PLEKHH2: variants seen among roughly 807,000 people sequenced by gnomAD.
PLEKHH2 encodes the protein pleckstrin homology, MyTH4 and FERM domain containing H2.
Under a neutral mutation model 187.9 loss-of-function variants are expected in PLEKHH2, and 129 were observed. The ratio of observed to expected loss-of-function variants is 0.69; its 90% confidence interval spans 0.59 to 0.79. The LOEUF is 0.79. Among genes scored for constraint, PLEKHH2 ranks in the 30% least tolerant of loss-of-function variants. The pLI is 0.00. For missense variants in PLEKHH2, 2,076 were observed against 1,751.2 expected (o/e 1.19, Z -3.31); for synonymous variants, 686 against 605.6 (o/e 1.13, Z -1.95).
In PLEKHH2 at chr2:43,731,091, A is replaced by G. The variant is rs143349185; in HGVS notation, c.2831-399A>G. 2.4e-3 allele frequency among the ~76,000 whole-genome samples: 367 copies of G among 152,304 alleles called. 1 individual carries two copies. The highest frequency in any genetic ancestry group is 8.4e-3 in the African/African-American group (349 of 41,566). ...ATGGGAGCTAAACTGTGAGGATGCA[A>G]AGGCATAAGAATGACACAATAGACT... On this transcript the variant is annotated intron_variant, in intron 18 of 29. Coordinates refer to ENST00000282406, the MANE Select transcript of PLEKHH2 (RefSeq NM_172069.4).
chr2:43,679,494 C>CTTTTTTT, intron 3 of PLEKHH2: 1 of 252,824 alleles, frequency 4.0e-6, no homozygotes, highest in Non-Finnish European at 7.4e-6. Flanking sequence ...GATTTTTTCC[C>CTTTTTTT]TTTTTTTTTT....
intron 1 of PLEKHH2, among the ~76,000 whole-genome samples, chr2:43,639,327 G>T (rs1703260463): frequency 6.6e-6 from 1 of 152,140 alleles, no homozygotes; most frequent in African/African-American, 2.4e-5. Context: ...CTGGGTTTTG[G>T]TATATTCACA....
chr2:43,746,401 C>T (rs1193227221), intron 24 of PLEKHH2, among the ~76,000 whole-genome samples: 3 of 152,062 alleles, frequency 2.0e-5, no homozygotes, highest in Non-Finnish European at 4.4e-5. Flanking sequence ...ATCTCAGCTA[C>T]TCAGACAGCT....
At chr2:43,761,226 G>A (rs748235702) in intron 27 of PLEKHH2, among the ~76,000 whole-genome samples, 1 of 151,942 alleles carries the variant, frequency 6.6e-6, no homozygotes. Flanking sequence ...ACATTGTTTT[G>A]TAAAATTTAA....
Position 43,741,063 on chromosome 2 carries a change from G to A in PLEKHH2, c.3221+20G>A, listed in dbSNP as rs766212687. ...TTCCAGGTGTGCAGAATACTAGCCA[G>A]CTGAACTGTTTATGTGGCCTCTGAA... is the stretch of plus-strand genomic sequence containing the variant. On this transcript the variant is annotated intron_variant, in intron 21 of 29. Transcript: ENST00000282406. The A allele has an allele frequency of 6.3e-6, 10 of 1,584,792 alleles. No homozygotes were observed. Among genetic ancestry groups the A allele is most frequent in the Non-Finnish European group, 6.9e-6 (8 of 1,154,976 alleles).
chr2:43,695,706 C>G (rs551191909), intron 6 of PLEKHH2, among the ~76,000 whole-genome samples: 4 of 152,234 alleles, frequency 2.6e-5, no homozygotes, highest in Admixed American at 1.3e-4. Flanking sequence ...ACACAGGGGA[C>G]TTTACCACAC....
At position 43,678,849 on chromosome 2, in the gene PLEKHH2, C is replaced by A. The variant is rs1363520850; in HGVS notation, c.124-14C>A. 3 of 1,566,354 alleles carry A rather than the reference C, an allele frequency of 1.9e-6. No individual in the cohort carries two copies. Among genetic ancestry groups the A allele is most frequent in the East Asian group, 2.3e-5 (1 of 44,186 alleles). ...AAATAAATTTTTGTATTTATATTTT[C>A]CCTCACTCTACAGATGCAACAGCTT... is the stretch of plus-strand genomic sequence containing the variant. On this transcript the variant is annotated splice_polypyrimidine_tract_variant and intron_variant, in intron 2 of 29. Coordinates refer to ENST00000282406, the MANE Select transcript of PLEKHH2 (RefSeq NM_172069.4).
intron 3 of PLEKHH2, among the ~76,000 whole-genome samples, chr2:43,686,980 ATT>A (rs10582860): frequency 0.58 from 87,791 of 150,642 alleles, 26,627 homozygotes; most frequent in African/African-American, 0.75. Flanking sequence ...CTCTATATAT[ATT>A]TATATTTTAA....
intron 2 of PLEKHH2, among the ~76,000 whole-genome samples, chr2:43,676,774 G>A (rs1403334633): frequency 6.6e-6 from 1 of 152,026 alleles, no homozygotes; most frequent in Non-Finnish European, 1.5e-5. Context: ...TTTAGTATTT[G>A]TGTGTCTGTG....
chr2:43,712,048 C>T lies in PLEKHH2; in HGVS notation c.2302-177C>T, dbSNP rs942977524. The T allele has an allele frequency of 7.0e-6, 9 of 1,279,970 alleles. No individual in the cohort carries two copies. In the South Asian group the frequency reaches 1.4e-4, roughly 20 times the overall value. The allele number at this position is 1,279,970 out of a possible 1,614,324, so 79.3% of individuals were successfully genotyped here. ...ACAAAAATTTAATTGCTGTAATTCTCACAAAGTGGTTAAAATATTCTAACT... is the reference window on the plus strand; with the variant it reads ...ACAAAAATTTAATTGCTGTAATTCTTACAAAGTGGTTAAAATATTCTAACT... On this transcript the variant is annotated intron_variant, in intron 14 of 29. Coordinates refer to ENST00000282406, the MANE Select transcript of PLEKHH2 (RefSeq NM_172069.4).
At position 43,653,562 on chromosome 2, in the gene PLEKHH2, C is replaced by G. The variant is rs114065399; in HGVS notation, c.123+8766C>G. ...TTAAAAGGAGGAAGTAAACCAAGAA[C>G]GAGGAAGGCATGGGATATAGGAAAC... On this transcript the variant is annotated intron_variant, in intron 2 of 29. Coordinates refer to ENST00000282406, the MANE Select transcript of PLEKHH2 (RefSeq NM_172069.4). 8.5e-3 allele frequency among the ~76,000 whole-genome samples: 1,290 copies of G among 152,222 alleles called. 27 individuals are homozygous for G. Among genetic ancestry groups the G allele is most frequent in the African/African-American group, 0.029 (1,196 of 41,526 alleles).
At chr2:43,683,114 C>T (rs1250658033) in intron 3 of PLEKHH2, among the ~76,000 whole-genome samples, 3 of 150,810 alleles carry the variant, frequency 2.0e-5, no homozygotes, top group African/African-American at 7.3e-5. Flanking sequence ...GTTTGAGTAC[C>T]CCTTTTTAAT....
intron 3 of PLEKHH2, chr2:43,681,433 C>T: frequency 6.5e-7 from 1 of 1,547,640 alleles, no homozygotes; most frequent in South Asian, 1.2e-5. Context: ...TGAATGAGTT[C>T]CTTGTCAAAA....
chr2:43,725,386 T>C (rs1391063747), intron 16 of PLEKHH2, among the ~76,000 whole-genome samples: 1 of 152,170 alleles, frequency 6.6e-6, no homozygotes, highest in African/African-American at 2.4e-5. Flanking sequence ...GGGGGGCCCA[T>C]TGTACAAGTG....
intron 2 of PLEKHH2, among the ~76,000 whole-genome samples, chr2:43,677,552 AT>A (rs1667882535): frequency 6.6e-6 from 1 of 151,806 alleles, no homozygotes; most frequent in Admixed American, 6.6e-5. Context: ...AGGCAGAAGA[AT>A]TTTTCTTAGT....
At chr2:43,649,214 C>T (rs1558414105) in intron 2 of PLEKHH2, among the ~76,000 whole-genome samples, 2 of 152,156 alleles carry the variant, frequency 1.3e-5, no homozygotes, top group African/African-American at 2.4e-5. Flanking sequence ...CAAATATAAA[C>T]TCTTCAGGGA....
chr2:43,720,874 T>A, intron 16 of PLEKHH2, 125 bp downstream of exon 16: 1 of 1,396,886 alleles, frequency 7.2e-7, no homozygotes, highest in Non-Finnish European at 9.4e-7. Context: ...AAATTTGGTA[T>A]AATTTGGTGC....
chr2:43,638,908 A>G (rs1703242399), intron 1 of PLEKHH2, among the ~76,000 whole-genome samples: 1 of 152,228 alleles, frequency 6.6e-6, no homozygotes, highest in African/African-American at 2.4e-5. Context: ...CTGATTTATT[A>G]TGACCCATTA....
At chr2:43,669,486 G>C (rs1472881316) in intron 2 of PLEKHH2, among the ~76,000 whole-genome samples, 1 of 152,058 alleles carries the variant, frequency 6.6e-6, no homozygotes, top group Non-Finnish European at 1.5e-5. Context: ...ACTTTAAATA[G>C]TGGGAAAAAA....
Sources: gnomAD v4.1 joint callset for allele counts (sites outside exome capture counted in the v4.1 genomes callset) on GRCh38, gnomAD v4.1.1 for gene constraint, MANE v1.5 for transcripts, NCBI Gene and HGNC (gene_info 2026-07-23, HGNC 2026-07-21) for gene names.